Variants in CCDC149 observed in about 807,000 individuals in gnomAD.
CCDC149 encodes coiled-coil domain-containing protein 149.
A neutral mutation model predicts 59.9 loss-of-function variants in CCDC149; 45 were observed. The observed-to-expected ratio is 0.75, with a 90% CI of 0.59 to 0.96. The LOEUF (loss-of-function observed/expected upper bound fraction) is 0.96, where lower values mean the gene tolerates loss of function less well. CCDC149 is among the 40% of genes least tolerant of loss of function. The pLI is 0.00. For synonymous variants in CCDC149, 245 were observed against 260.6 expected (o/e 0.94, Z 0.58); for missense variants, 584 against 664.7 (o/e 0.88, Z 1.33).
At position 24,876,517 on chromosome 4, in the gene CCDC149, A is replaced by AG; in HGVS notation, c.225+18dup. The AG allele has an allele frequency of 6.3e-7, 1 of 1,594,142 alleles. No individual in the cohort carries two copies. The highest frequency in any genetic ancestry group is 8.6e-7 in the Non-Finnish European group (1 of 1,167,724). ...TCAGGGAACAGGAAAGTCGCTGAAC[A>AG]GGGCAGCCTAACACTTACAATCAGC... On this transcript the variant is annotated intron_variant, in intron 2 of 12. Transcript: ENST00000635206.
intron 2 of CCDC149, among the ~76,000 whole-genome samples, chr4:24,875,675 A>T (rs556445552): frequency 6.6e-6 from 1 of 152,198 alleles, no homozygotes; most frequent in African/African-American, 2.4e-5. Flanking sequence ...GTCTGTATAC[A>T]CTGTCCAATA....
intron 1 of CCDC149, among the ~76,000 whole-genome samples, chr4:24,956,922 T>G (rs6448320): frequency 1.3e-5 from 2 of 151,994 alleles, no homozygotes; most frequent in Non-Finnish European, 1.5e-5. Flanking sequence ...GAAAGAGCTC[T>G]GTACTAGGCC....
chr4:24,818,693 C>T (rs1167711362), intron 12 of CCDC149, among the ~76,000 whole-genome samples: 1 of 152,214 alleles, frequency 6.6e-6, no homozygotes, highest in African/African-American at 2.4e-5. Context: ...ACCACATGAA[C>T]AGCGTGGATA....
chr4:24,941,776 A>G (rs567120145), intron 1 of CCDC149, among the ~76,000 whole-genome samples: 1 of 152,236 alleles, frequency 6.6e-6, no homozygotes, highest in East Asian at 1.9e-4. Context: ...ACCTCTACAC[A>G]AATAAACTAG....
chr4:24,861,279 A>ACC (rs1327872586), intron 3 of CCDC149, among the ~76,000 whole-genome samples: 1 of 151,596 alleles, frequency 6.6e-6, no homozygotes, highest in Admixed American at 6.6e-5. Context: ...ACACACACAC[A>ACC]CACACCATGG....
intron 1 of CCDC149, among the ~76,000 whole-genome samples, chr4:24,929,728 C>T (rs146361128): frequency 5.1e-4 from 78 of 152,312 alleles, no homozygotes; most frequent in African/African-American, 1.7e-3. Context: ...CCACTCACAT[C>T]GCAGAATCTT....
intron 12 of CCDC149, among the ~76,000 whole-genome samples, chr4:24,815,045 T>G (rs1321895216): frequency 6.6e-6 from 1 of 152,256 alleles, no homozygotes; most frequent in African/African-American, 2.4e-5. Context: ...ACTTGCCTGA[T>G]TAATTTTTTA....
At chr4:24,905,388 T>C (rs985317681) in intron 1 of CCDC149, among the ~76,000 whole-genome samples, 27 of 151,330 alleles carry the variant, frequency 1.8e-4, no homozygotes, top group Non-Finnish European at 3.2e-4. Flanking sequence ...ATGTCCTATA[T>C]AGTCTTCTTT....
intron 1 of CCDC149, among the ~76,000 whole-genome samples, chr4:24,907,184 G>A (rs940331396): frequency 1.3e-5 from 2 of 152,144 alleles, no homozygotes; most frequent in African/African-American, 2.4e-5. Context: ...TGCCTTGCCC[G>A]GCAGAGGCCT....
rs1719459843 is a variant in CCDC149 at position 24,876,689 on chromosome 4, C to CA, written c.71dup (p.Cys25ValfsTer2). 6.2e-7 allele frequency: 1 copy of CA among 1,610,808 alleles called. No homozygotes were observed. The highest frequency in any genetic ancestry group is 1.1e-5 in the South Asian group (1 of 90,474). On this transcript the variant is annotated frameshift_variant, in exon 2 of 13. Transcript: ENST00000635206. LOFTEE classifies it high-confidence loss of function. ...TCTTACTCTCCAGCTTCCTCTTACA[C>CA]ACCAGGTACTGCAAAGCAAACAAAT... is the stretch of plus-strand genomic sequence containing the variant.
chr4:24,843,648 A>T (rs1256692114), intron 4 of CCDC149, among the ~76,000 whole-genome samples: 1 of 152,226 alleles, frequency 6.6e-6, no homozygotes, highest in Non-Finnish European at 1.5e-5. Context: ...AGTAGTTTTC[A>T]TCCTCCTACC....
intron 1 of CCDC149, among the ~76,000 whole-genome samples, chr4:24,927,747 A>G (rs974909140): frequency 1.3e-5 from 2 of 151,386 alleles, no homozygotes; most frequent in African/African-American, 2.4e-5. Flanking sequence ...ACATACACCA[A>G]CTCTGGTTCT....
chr4:24,839,463 G>A (rs966613299), intron 4 of CCDC149, among the ~76,000 whole-genome samples: 1 of 152,206 alleles, frequency 6.6e-6, no homozygotes, highest in Non-Finnish European at 1.5e-5. Context: ...ACAGGCATAA[G>A]CCACCGTGCC....
chr4:24,849,340 C>T (rs1334619815), intron 4 of CCDC149, among the ~76,000 whole-genome samples: 1 of 152,190 alleles, frequency 6.6e-6, no homozygotes, highest in African/African-American at 2.4e-5. Flanking sequence ...TCTTTAAGAA[C>T]TGTAATTTTT....
rs1424797753 is a variant in CCDC149, at chr4:24,807,927, G to GTT, written c.*460_*461dup. On this transcript the variant is annotated 3_prime_UTR_variant, in exon 13 of 13. Coordinates refer to ENST00000635206, the MANE Select transcript of CCDC149 (RefSeq NM_001330643.2). The stretch of plus-strand genomic sequence containing the variant: ...GTGCAGCCATGGGTCCTCTGGACAC[G>GTT]TTTTGCTCAATTATACCTTCCTCTC... 2 of 152,658 alleles carry GTT rather than the reference G, an allele frequency of 1.3e-5. No homozygotes were observed. The highest frequency in any genetic ancestry group is 4.8e-5 in the African/African-American group (2 of 41,454). The allele number at this position is 152,658 out of a possible 1,614,324, so 9.5% of individuals were successfully genotyped here.
chr4:24,813,533 C>G (rs1344327488), intron 12 of CCDC149, among the ~76,000 whole-genome samples: 1 of 100,860 alleles, frequency 9.9e-6, no homozygotes, highest in Admixed American at 9.2e-5. Flanking sequence ...TATATAAAAC[C>G]TAAAAAGGAA....
rs565762293 is a variant in CCDC149, at chr4:24,848,567, C to CAAATAAATAAAT, written c.372+4493_372+4504dup. 2.6e-3 allele frequency among the ~76,000 whole-genome samples: 385 copies of CAAATAAATAAAT among 150,406 alleles called. 1 individual carries two copies. Among genetic ancestry groups the CAAATAAATAAAT allele is most frequent in the African/African-American group, 8.8e-3 (360 of 40,722 alleles). On this transcript the variant is annotated intron_variant, in intron 4 of 12. Transcript: ENST00000635206. Reference sequence around the variant, plus strand: ...CTGGTGACAGAGTGAGACTCCATCTCAAATAAATAAATAAATAAATAAATA... The same window carrying CAAATAAATAAAT: ...CTGGTGACAGAGTGAGACTCCATCTCAAATAAATAAATAAATAAATAAATAAATAAATAAATA...
chr4:24,861,652 C>A (rs544255737), intron 3 of CCDC149, among the ~76,000 whole-genome samples: 2 of 151,446 alleles, frequency 1.3e-5, no homozygotes, highest in African/African-American at 2.4e-5. Context: ...AAAAATGTAA[C>A]CCCCTTGTAA....
chr4:24,813,887 AG>A (rs1429479238), intron 12 of CCDC149, among the ~76,000 whole-genome samples: 2 of 152,232 alleles, frequency 1.3e-5, no homozygotes, highest in Non-Finnish European at 2.9e-5. Context: ...CACAAGGAAG[AG>A]AAAATGATCA....
Sources: gnomAD v4.1 joint callset for allele counts (sites outside exome capture counted in the v4.1 genomes callset) on GRCh38, gnomAD v4.1.1 for gene constraint, MANE v1.5 for transcripts, NCBI Gene and HGNC (gene_info 2026-07-23, HGNC 2026-07-21) for gene names.